Variants in DENND1A observed in about 807,000 individuals in gnomAD.
DENND1A encodes DENN domain-containing protein 1A.
In DENND1A, 51 loss-of-function variants were observed where a neutral mutation model predicts 113.7. The ratio of observed to expected loss-of-function variants is 0.45; its 90% CI spans 0.36 to 0.57. The LOEUF (loss-of-function observed/expected upper bound fraction) is 0.57, where lower values mean the gene tolerates loss of function less well. Among genes scored for constraint, DENND1A ranks in the 20% least tolerant of loss-of-function variants. DENND1A has a pLI of 0.00. For missense variants in DENND1A, 1,258 were observed against 1,395.9 expected (o/e 0.90, Z 1.57); for synonymous variants, 565 against 570.8 (o/e 0.99, Z 0.14).
chr9:123,870,669 T>A (rs1271311007), intron 2 of DENND1A, among the ~76,000 whole-genome samples: 1 of 152,052 alleles, frequency 6.6e-6, no homozygotes, highest in Non-Finnish European at 1.5e-5. Flanking sequence ...TCTCCTGACC[T>A]CGTGATCCGC....
intron 4 of DENND1A, among the ~76,000 whole-genome samples, chr9:123,766,638 G>A (rs1828863369): frequency 6.6e-6 from 1 of 152,186 alleles, no homozygotes; most frequent in African/African-American, 2.4e-5. Context: ...GGAAATCTAG[G>A]TTGTGCTCAG....
chr9:123,409,098 T>C (rs2044107886), intron 20 of DENND1A, among the ~76,000 whole-genome samples: 1 of 152,164 alleles, frequency 6.6e-6, no homozygotes, highest in Non-Finnish European at 1.5e-5. Flanking sequence ...ATTAGGGAGA[T>C]GGCATCTGCC....
chr9:123,689,499 A>G lies in DENND1A; in HGVS notation c.303-12710T>C, dbSNP rs562150645. ...ATTGTGACAATTTTTTTGGTAATAT[A>G]TTTTAAATGATAGTTCTTTTATTAC... On this transcript the variant is annotated intron_variant, in intron 5 of 23. Transcript: ENST00000394215. Among the ~76,000 whole-genome samples, 5 of 152,310 alleles carry G rather than the reference A, an allele frequency of 3.3e-5. No homozygotes were observed. In the East Asian group the frequency reaches 9.6e-4, roughly 29 times the overall value.
At chr9:123,742,145 G>A (rs2069083919) in intron 5 of DENND1A, among the ~76,000 whole-genome samples, 1 of 152,120 alleles carries the variant, frequency 6.6e-6, no homozygotes, top group African/African-American at 2.4e-5. Flanking sequence ...ACCCAAGCCA[G>A]GAAGTTGTCA....
chr9:123,477,482 G>A (rs537202174), intron 13 of DENND1A, among the ~76,000 whole-genome samples: 103 of 151,456 alleles, frequency 6.8e-4, no homozygotes, highest in African/African-American at 2.4e-3. Flanking sequence ...ACTTGAGCCC[G>A]TGAGGTTAAG....
At chr9:123,875,165 C>T (rs7042633) in intron 2 of DENND1A, among the ~76,000 whole-genome samples, 25,287 of 151,970 alleles carry the variant, frequency 0.17, 4,086 homozygotes, top group African/African-American at 0.42. Flanking sequence ...ATTCAGAAGG[C>T]GGCACAATTC....
intron 2 of DENND1A, among the ~76,000 whole-genome samples, chr9:123,876,677 T>C (rs951556400): frequency 1.3e-5 from 2 of 152,206 alleles, no homozygotes; most frequent in Non-Finnish European, 2.9e-5. Context: ...TTGTAACTCT[T>C]AAAATAGTCT....
intron 13 of DENND1A, among the ~76,000 whole-genome samples, chr9:123,471,386 T>C (rs1290365260): frequency 6.6e-6 from 1 of 152,144 alleles, no homozygotes; most frequent in Non-Finnish European, 1.5e-5. Flanking sequence ...GCTTGACTCT[T>C]AGCGGAGGGG....
intron 2 of DENND1A, among the ~76,000 whole-genome samples, chr9:123,797,204 A>G (rs1437892284): frequency 1.3e-5 from 2 of 152,158 alleles, no homozygotes; most frequent in African/African-American, 4.8e-5. Flanking sequence ...GCTATACACC[A>G]TATAATCTCA....
chr9:123,624,606 A>G (rs544432309), intron 10 of DENND1A, among the ~76,000 whole-genome samples: 1 of 152,344 alleles, frequency 6.6e-6, no homozygotes, highest in African/African-American at 2.4e-5. Context: ...GAAACTTCCA[A>G]GATGGTGCCT....
chr9:123,390,848 T>C (rs1432390199), intron 21 of DENND1A, among the ~76,000 whole-genome samples: 1 of 152,230 alleles, frequency 6.6e-6, no homozygotes, highest in African/African-American at 2.4e-5. Context: ...CGCCCTCACG[T>C]CCACCTTGGT....
chr9:123,568,491 G>A (rs1350888600), intron 12 of DENND1A, among the ~76,000 whole-genome samples: 4 of 152,204 alleles, frequency 2.6e-5, no homozygotes, highest in African/African-American at 7.2e-5. Context: ...TTTTAGCATC[G>A]AAAAGAATCA....
intron 5 of DENND1A, among the ~76,000 whole-genome samples, chr9:123,731,545 A>G (rs1181081900): frequency 1.3e-5 from 2 of 152,214 alleles, no homozygotes; most frequent in Non-Finnish European, 2.9e-5. Flanking sequence ...TTCAACCTAT[A>G]CTTTATACCT....
intron 11 of DENND1A, 134 bp from the exon 12 acceptor site, chr9:123,583,404 A>G (rs1025757073): frequency 6.8e-6 from 4 of 591,606 alleles, no homozygotes; most frequent in East Asian, 5.7e-5. Context: ...AGCAGGCCCA[A>G]TGGTAGGAGG....
At chr9:123,731,016 C>A (rs1411402329) in intron 5 of DENND1A, among the ~76,000 whole-genome samples, 3 of 151,996 alleles carry the variant, frequency 2.0e-5, no homozygotes, top group Admixed American at 2.0e-4. Flanking sequence ...AACAGAAAAC[C>A]AAACACTGCA....
intron 8 of DENND1A, among the ~76,000 whole-genome samples, chr9:123,663,738 G>T (rs901960452): frequency 2.0e-5 from 3 of 151,728 alleles, no homozygotes; most frequent in Non-Finnish European, 2.9e-5. Context: ...TATTTGTAAA[G>T]AATTTTTAAT....
At chr9:123,471,682 C>G (rs1564550838) in intron 13 of DENND1A, among the ~76,000 whole-genome samples, 1 of 152,212 alleles carries the variant, frequency 6.6e-6, no homozygotes. Flanking sequence ...TGAGCCTCAT[C>G]TTAGAGAGGA....
chr9:123,855,485 T>C (rs926053932), intron 2 of DENND1A, among the ~76,000 whole-genome samples: 2 of 151,884 alleles, frequency 1.3e-5, no homozygotes, highest in Admixed American at 6.6e-5. Flanking sequence ...TCCTAAGGTA[T>C]GAAAGAAAAT....
At chr9:123,876,934 T>C (rs1225108678) in intron 2 of DENND1A, among the ~76,000 whole-genome samples, 1 of 152,206 alleles carries the variant, frequency 6.6e-6, no homozygotes. Flanking sequence ...GAGGCCATTC[T>C]TTTAAGTGAA....
Sources: gnomAD v4.1 joint callset for allele counts (sites outside exome capture counted in the v4.1 genomes callset) on GRCh38, gnomAD v4.1.1 for gene constraint, MANE v1.5 for transcripts, NCBI Gene and HGNC (gene_info 2026-07-23, HGNC 2026-07-21) for gene names.